Variants in ANXA10 observed in about 807,000 individuals in gnomAD.
ANXA10 encodes the protein annexin A10.
In ANXA10, 49 loss-of-function variants were observed where a neutral mutation model predicts 53.5. The observed-to-expected ratio is 0.92, with a 90% CI of 0.73 to 1.16. The LOEUF is 1.16. Among genes scored for constraint, ANXA10 ranks in the 50% most tolerant of loss-of-function variants. The probability of loss-of-function intolerance (pLI) is 0.00; values close to 1 mark genes in which losing one functional copy is unlikely to be tolerated. For synonymous variants in ANXA10, 131 were observed against 128.9 expected (o/e 1.02, Z -0.11); for missense variants, 393 against 394.4 (o/e 1.00, Z 0.03).
intron 8 of ANXA10, chr4:168,178,370 A>G (rs939923212): frequency 1.7e-5 from 3 of 180,616 alleles, no homozygotes; most frequent in African/African-American, 7.2e-5. Flanking sequence ...GATTTCTGCA[A>G]TATCGACGGA....
rs35451323 is a variant in ANXA10 at position 168,096,911 on chromosome 4, C to CATATATATATATAT, written c.18+4198_18+4211dup. Among the ~76,000 whole-genome samples the CATATATATATATAT allele has an allele frequency of 5.9e-4, 65 of 109,604 alleles. 1 individual carries two copies. The highest frequency in any genetic ancestry group is 2.2e-3 in the African/African-American group (44 of 19,650). 71.9% of individuals were successfully genotyped at this position (109,604 alleles called of 152,430 possible). ...TTTGTATCCATTACTAATACAAATGCATATATATATATATATATGTATGTA... is the reference window on the plus strand; with the variant it reads ...TTTGTATCCATTACTAATACAAATGCATATATATATATATATATATATATATATATATGTATGTA... On this transcript the variant is annotated intron_variant, in intron 1 of 11. Coordinates refer to ENST00000359299, the MANE Select transcript of ANXA10 (RefSeq NM_007193.5).
intron 3 of ANXA10, among the ~76,000 whole-genome samples, chr4:168,153,905 A>G (rs1395243189): frequency 6.6e-6 from 1 of 151,874 alleles, no homozygotes; most frequent in East Asian, 1.9e-4. Context: ...ATGATATCTG[A>G]TATTGTTTAT....
At chr4:168,153,442 C>CAAAAAAAAAAAAAAAAAAAAAAAAAA (rs1560782282) in intron 3 of ANXA10, among the ~76,000 whole-genome samples, 1 of 42,932 alleles carries the variant, frequency 2.3e-5, no homozygotes, top group Non-Finnish European at 4.8e-5. Flanking sequence ...AAAAAAAAAA[C>CAAAAAAAAAAAAAAAAAAAAAAAAAA]AAAAACAAAA....
chr4:168,153,115 AT>A (rs1189024548), intron 3 of ANXA10, among the ~76,000 whole-genome samples: 2 of 152,134 alleles, frequency 1.3e-5, no homozygotes, highest in East Asian at 3.9e-4. Context: ...AAACACAGGC[AT>A]GCACCACTGT....
In ANXA10 at chr4:168,121,849, T is replaced by C. The variant is rs952560617; in HGVS notation, c.19-6235T>C. The stretch of plus-strand genomic sequence containing the variant: ...TTGTTTGGTTTTGTTTTTTGTTTTG[T>C]TTTTGTTTTTCTGAGACGGAGTCTC... On this transcript the variant is annotated intron_variant, in intron 1 of 11. Transcript: ENST00000359299. 2.0e-5 allele frequency among the ~76,000 whole-genome samples: 3 copies of C among 152,130 alleles called. No homozygotes were observed. In the East Asian group the frequency reaches 5.8e-4, roughly 29 times the overall value.
intron 1 of ANXA10, among the ~76,000 whole-genome samples, chr4:168,117,887 G>T (rs1185595117): frequency 6.6e-6 from 1 of 151,310 alleles, no homozygotes; most frequent in Non-Finnish European, 1.5e-5. Flanking sequence ...TCCACCACAG[G>T]GTGCACTCAT....
intron 1 of ANXA10, among the ~76,000 whole-genome samples, chr4:168,103,431 C>G (rs72987416): frequency 0.081 from 12,304 of 151,774 alleles, 1,653 homozygotes; most frequent in African/African-American, 0.28. Flanking sequence ...TTTTCTCTAT[C>G]AAATTGTTTT....
intron 2 of ANXA10, among the ~76,000 whole-genome samples, chr4:168,134,786 G>T (rs1349730783): frequency 6.6e-6 from 1 of 152,028 alleles, no homozygotes; most frequent in East Asian, 1.9e-4. Flanking sequence ...CTCCCTCCCT[G>T]TTACAGCTTT....
At chr4:168,094,963 G>C (rs936797949) in intron 1 of ANXA10, among the ~76,000 whole-genome samples, 1 of 152,012 alleles carries the variant, frequency 6.6e-6, no homozygotes, top group Non-Finnish European at 1.5e-5. Flanking sequence ...TCTTTCAAAA[G>C]CAAGGTTTAA....
chr4:168,155,078 G>A (rs776165270), intron 3 of ANXA10, among the ~76,000 whole-genome samples: 8 of 151,348 alleles, frequency 5.3e-5, no homozygotes, highest in Admixed American at 3.3e-4. Flanking sequence ...TCACAGGCAC[G>A]TTTCACTCTA....
At chr4:168,161,243 A>G (rs1731777857) in intron 3 of ANXA10, among the ~76,000 whole-genome samples, 1 of 152,090 alleles carries the variant, frequency 6.6e-6, no homozygotes, top group Non-Finnish European at 1.5e-5. Context: ...TGTATATGGC[A>G]TAAGGAAGGT....
chr4:168,109,367 T>A (rs1167285757), intron 1 of ANXA10, among the ~76,000 whole-genome samples: 1 of 152,228 alleles, frequency 6.6e-6, no homozygotes, highest in African/African-American at 2.4e-5. Context: ...CAAGTTTTTT[T>A]AAATTATCAA....
intron 9 of ANXA10, 142 bp from the exon 10 acceptor site, chr4:168,181,541 T>C (rs28721475): frequency 0.32 from 225,575 of 708,488 alleles, 37,334 homozygotes; most frequent in South Asian, 0.42. Context: ...CTGTGGCTTA[T>C]AGTGTTACCA....
intron 1 of ANXA10, among the ~76,000 whole-genome samples, chr4:168,107,858 A>G (rs1442856908): frequency 1.3e-5 from 2 of 152,100 alleles, no homozygotes; most frequent in Non-Finnish European, 2.9e-5. Flanking sequence ...ATACCATTAT[A>G]TTGGGGGGTA....
intron 6 of ANXA10, among the ~76,000 whole-genome samples, chr4:168,171,590 T>C (rs1731990226): frequency 6.6e-6 from 1 of 152,182 alleles, no homozygotes; most frequent in Non-Finnish European, 1.5e-5. Flanking sequence ...AAATGGCAAG[T>C]GTTAAAAATC....
At chr4:168,135,704 T>C in intron 2 of ANXA10, among the ~76,000 whole-genome samples, 1 of 152,144 alleles carries the variant, frequency 6.6e-6, no homozygotes, top group East Asian at 1.9e-4. Context: ...AGGTGTTCCA[T>C]GAAAAGCATG....
At chr4:168,109,318 T>A (rs541916793) in intron 1 of ANXA10, among the ~76,000 whole-genome samples, 1 of 152,240 alleles carries the variant, frequency 6.6e-6, no homozygotes, top group Non-Finnish European at 1.5e-5. Flanking sequence ...AAACACAGTA[T>A]GAATTTTAAT....
intron 3 of ANXA10, among the ~76,000 whole-genome samples, chr4:168,152,936 CG>C (rs1399433808): frequency 1.3e-5 from 2 of 151,916 alleles, no homozygotes; most frequent in Admixed American, 6.6e-5. Flanking sequence ...CTCACCCTCA[CG>C]GGCTCAGGTA....
intron 10 of ANXA10, 139 bp from the exon 11 acceptor site, chr4:168,184,420 C>CTG: frequency 1.1e-6 from 1 of 938,774 alleles, no homozygotes; most frequent in Non-Finnish European, 1.6e-6. Context: ...GAACCACAGC[C>CTG]TGTGTGGCCA....
Sources: allele counts gnomAD v4.1 joint callset (sites outside exome capture counted in the v4.1 genomes callset), GRCh38; gene constraint gnomAD v4.1.1; transcripts MANE v1.5; gene names NCBI Gene and HGNC (gene_info 2026-07-23, HGNC 2026-07-21).